The following ATP10A variants were observed in gnomAD, a reference collection of about 807,000 sequenced individuals.
ATP10A encodes phospholipid-transporting ATPase VA.
A neutral mutation model predicts 147.8 loss-of-function variants in ATP10A; 111 were observed. That is an observed-to-expected ratio of 0.75 (90% CI 0.64 to 0.88). The LOEUF (loss-of-function observed/expected upper bound fraction) is 0.88, where lower values mean the gene tolerates loss of function less well. Ranked by LOEUF, ATP10A falls within the 40% of genes least tolerant of loss-of-function variation. ATP10A has a pLI of 0.00. For synonymous variants in ATP10A, 875 were observed against 841.6 expected (o/e 1.04, Z -0.69); for missense variants, 1,927 against 1,959.0 (o/e 0.98, Z 0.31).
At chr15:25,692,369 T>A (rs1261516781) in intron 14 of ATP10A, among the ~76,000 whole-genome samples, 1 of 152,200 alleles carries the variant, frequency 6.6e-6, no homozygotes, top group Non-Finnish European at 1.5e-5. Flanking sequence ...ACACAGAGCA[T>A]GGTCAGATAT....
At position 25,721,543 on chromosome 15, in the gene ATP10A, C is replaced by CGTGT. The variant is rs59037981; in HGVS notation, c.1363+110_1363+113dup. ...CCTTGAAAATCAGTAATCCCTGAAG[C>CGTGT]GTGTGTGTGTGTGTGTGTGTGTGTG... On this transcript the variant is annotated intron_variant, in intron 7 of 20. Coordinates refer to ENST00000555815, the MANE Select transcript of ATP10A (RefSeq NM_024490.4). 5,480 of 748,614 alleles carry CGTGT rather than the reference C, an allele frequency of 7.3e-3. 13 individuals carry two copies. The highest frequency in any genetic ancestry group is 0.011 in the South Asian group (581 of 52,710). The allele number at this position is 748,614 out of a possible 1,614,324, so 46.4% of individuals were successfully genotyped here. A position where few individuals can be genotyped will look rare whatever the true frequency, so the allele number is the denominator to read the frequency against.
intron 1 of ATP10A, chr15:25,861,791 G>A (rs983056081): frequency 1.9e-5 from 3 of 153,852 alleles, no homozygotes; most frequent in Admixed American, 1.9e-4. Flanking sequence ...CCTTTCTCAG[G>A]GACAGGGCCT....
rs145216135 is a variant in ATP10A, at chr15:25,696,443, A to G, written c.2761-1297T>C. Among the ~76,000 whole-genome samples, 19 of 152,348 alleles carry G rather than the reference A, an allele frequency of 1.2e-4. No individual in the cohort carries two copies. In the East Asian group the frequency reaches 3.7e-3, roughly 29 times the overall value. ...TGAGGAGAATGCAGGATGCCATCAC[A>G]GGAACTCCATGAGCTCCCTGGACTC... On this transcript the variant is annotated intron_variant, in intron 13 of 20. Transcript: ENST00000555815.
intron 1 of ATP10A, among the ~76,000 whole-genome samples, chr15:25,782,530 T>C (rs1889973217): frequency 6.6e-6 from 1 of 152,168 alleles, no homozygotes; most frequent in African/African-American, 2.4e-5. Context: ...TTAAGCCAAA[T>C]GGGACTTAAA....
chr15:25,704,626 A>G (rs959954880), intron 12 of ATP10A, among the ~76,000 whole-genome samples: 9 of 152,190 alleles, frequency 5.9e-5, no homozygotes, highest in African/African-American at 2.2e-4. Context: ...TCACCTTTAT[A>G]AGGTGTGAGC....
intron 1 of ATP10A, among the ~76,000 whole-genome samples, chr15:25,844,879 G>A (rs1348328446): frequency 6.6e-6 from 1 of 152,238 alleles, no homozygotes; most frequent in Non-Finnish European, 1.5e-5. Flanking sequence ...TGTCTTAAAT[G>A]ACAGGTTTCA....
intron 1 of ATP10A, among the ~76,000 whole-genome samples, chr15:25,859,376 G>C (rs1233084172): frequency 6.6e-6 from 1 of 152,214 alleles, no homozygotes; most frequent in Admixed American, 6.5e-5. Flanking sequence ...GGCTCACTGA[G>C]TGGCAGGGTC....
chr15:25,719,876 T>C (rs566478227), intron 7 of ATP10A, among the ~76,000 whole-genome samples: 26 of 152,304 alleles, frequency 1.7e-4, no homozygotes, highest in African/African-American at 6.3e-4. Flanking sequence ...TCAGAGTCCA[T>C]CTGAACTCCT....
In ATP10A at chr15:25,748,136, G is replaced by A. The variant is rs372821954; in HGVS notation, c.655-11995C>T. Among the ~76,000 whole-genome samples the A allele has an allele frequency of 4.4e-4, 67 of 152,034 alleles. No homozygotes were observed. The East Asian group carries it at 0.013, about 29-fold the overall frequency. The stretch of plus-strand genomic sequence containing the variant: ...CGCCACCACACCCGGCTAATTTTTT[G>A]TATTTTTAGTAGAGACAGGGTTTCA... On this transcript the variant is annotated intron_variant, in intron 2 of 20. Coordinates refer to ENST00000555815, the MANE Select transcript of ATP10A (RefSeq NM_024490.4).
intron 10 of ATP10A, chr15:25,708,572 C>T (rs546698706): frequency 1.5e-5 from 6 of 399,562 alleles, no homozygotes; most frequent in Admixed American, 8.5e-5. Flanking sequence ...CCACCCGCCT[C>T]GGCCTCCGAA....
intron 1 of ATP10A, among the ~76,000 whole-genome samples, chr15:25,788,076 G>A (rs1468274165): frequency 6.6e-6 from 1 of 152,172 alleles, no homozygotes; most frequent in African/African-American, 2.4e-5. Context: ...AACGTGGGCA[G>A]GGCACACCTG....
Position 25,695,115 on chromosome 15 carries a change from A to G in ATP10A, c.2792T>C (p.Leu931Pro). 6.2e-7 allele frequency: 1 copy of G among 1,613,930 alleles called. No homozygotes were observed. The highest frequency in any genetic ancestry group is 8.5e-7 in the Non-Finnish European group (1 of 1,179,912). Residue 931 changes from leucine (L) to proline (P), a missense_variant, in exon 14 of 21, where the codon CTA becomes CCA. Transcript: ENST00000555815. ...EACAALLDQCLCYVQSRGLQR... is the reference protein window; with the variant it reads ...EACAALLDQCPCYVQSRGLQR... ...GAGGCCTCTGGACTGCACGTAGCATAGGCACTGGTCTAGCAGGGCTGCACA... is the reference window on the plus strand; with the variant it reads ...GAGGCCTCTGGACTGCACGTAGCATGGGCACTGGTCTAGCAGGGCTGCACA...
chr15:25,695,235 C>G, intron 13 of ATP10A, 89 bp from the exon 14 acceptor site: 1 of 1,286,042 alleles, frequency 7.8e-7, no homozygotes, highest in Non-Finnish European at 1.1e-6. Flanking sequence ...GAGCTGACAT[C>G]CTTCCGGGCT....
Position 25,680,170 on chromosome 15 carries a change from C to G in ATP10A, c.3817G>C (p.Val1273Leu). ...WTMQALLGDP[V>L]FYLTCLMTPV... ...GTCATCAGGCAAGTCAAGTAAAACA[C>G]TGGGTCACCCAGTAAGGCTTGCATA... is the stretch of plus-strand genomic sequence containing the variant. The change falls in exon 20 of 21, where the codon GTG becomes CTG. Residue 1273 changes from valine (V) to leucine (L), a missense_variant. Coordinates refer to ENST00000555815, the MANE Select transcript of ATP10A (RefSeq NM_024490.4). The G allele has an allele frequency of 6.2e-7, 1 of 1,614,134 alleles. No individual in the cohort carries two copies. Among genetic ancestry groups the G allele is most frequent in the Middle Eastern group, 1.7e-4 (1 of 6,054 alleles).
chr15:25,687,341 C>T (rs1209632636), intron 16 of ATP10A, among the ~76,000 whole-genome samples: 1 of 152,090 alleles, frequency 6.6e-6, no homozygotes, highest in Non-Finnish European at 1.5e-5. Flanking sequence ...GGGAGCAGGA[C>T]TGGGTGGCCT....
At chr15:25,716,107 A>G (rs1254019707) in intron 9 of ATP10A, among the ~76,000 whole-genome samples, 2 of 152,162 alleles carry the variant, frequency 1.3e-5, no homozygotes, top group African/African-American at 4.8e-5. Context: ...TCGATTCTCG[A>G]CCGCTTTTCA....
At chr15:25,683,589 T>A (rs2140286806) in intron 16 of ATP10A, 103 bp from the exon 17 acceptor site, 1 of 1,145,628 alleles carries the variant, frequency 8.7e-7, no homozygotes, top group Non-Finnish European at 1.2e-6. Context: ...ACAGTCAAGA[T>A]TAAATGTATT....
intron 2 of ATP10A, among the ~76,000 whole-genome samples, chr15:25,739,215 G>T (rs1369809776): frequency 6.6e-6 from 1 of 152,152 alleles, no homozygotes; most frequent in Non-Finnish European, 1.5e-5. Flanking sequence ...GATTACAGGC[G>T]TGAGCCACTG....
chr15:25,757,659 A>G (rs1055220346), intron 2 of ATP10A, among the ~76,000 whole-genome samples: 3 of 152,208 alleles, frequency 2.0e-5, no homozygotes, highest in African/African-American at 7.2e-5. Context: ...AAAGTTGAAA[A>G]AGAGTAATTT....
Sources: gnomAD v4.1 joint callset for allele counts (sites outside exome capture counted in the v4.1 genomes callset) on GRCh38, gnomAD v4.1.1 for gene constraint, MANE v1.5 for transcripts, NCBI Gene and HGNC (gene_info 2026-07-23, HGNC 2026-07-21) for gene names.